Variants in MARCHF1 observed in about 807,000 individuals in gnomAD.
MARCHF1 encodes the protein membrane associated ring-CH-type finger 1.
A neutral mutation model predicts 54.2 loss-of-function variants in MARCHF1; 40 were observed. The ratio of observed to expected loss-of-function variants is 0.74; its 90% CI spans 0.57 to 0.96. The LOEUF (loss-of-function observed/expected upper bound fraction) is 0.96, where lower values mean the gene tolerates loss of function less well. Among genes scored for constraint, MARCHF1 ranks in the 40% least tolerant of loss-of-function variants. The pLI, the probability that MARCHF1 is intolerant of heterozygous loss-of-function variation, is 0.00. For synonymous variants in MARCHF1, 236 were observed against 236.3 expected, an observed-to-expected ratio of 1.00 and a Z score of 0.01; for missense variants, 586 against 656.5, an observed-to-expected ratio of 0.89 and a Z score of 1.17.
intron 2 of MARCHF1, among the ~76,000 whole-genome samples, chr4:164,008,231 G>A (rs1377410598): frequency 6.6e-6 from 1 of 152,010 alleles, no homozygotes; most frequent in African/African-American, 2.4e-5. Flanking sequence ...ATAAAAAGAG[G>A]AGAATAAGTT....
chr4:163,934,157 C>T (rs1048598001), intron 3 of MARCHF1, among the ~76,000 whole-genome samples: 3 of 152,138 alleles, frequency 2.0e-5, no homozygotes, highest in Non-Finnish European at 2.9e-5. Context: ...GAGATTTGGA[C>T]CACTACCGTG....
chr4:164,073,498 G>A (rs1754912265), intron 2 of MARCHF1, among the ~76,000 whole-genome samples: 1 of 152,010 alleles, frequency 6.6e-6, no homozygotes, highest in Non-Finnish European at 1.5e-5. Context: ...GCCTGTCAGG[G>A]AGTGGGGGGC....
chr4:163,642,517 C>A (rs1218188443), intron 5 of MARCHF1, among the ~76,000 whole-genome samples: 1 of 152,140 alleles, frequency 6.6e-6, no homozygotes, highest in African/African-American at 2.4e-5. Context: ...CATTGACTTG[C>A]ATTCTAGTTG....
chr4:163,963,790 C>G (rs935797088), intron 3 of MARCHF1, among the ~76,000 whole-genome samples: 1 of 151,858 alleles, frequency 6.6e-6, no homozygotes, highest in Admixed American at 6.6e-5. Flanking sequence ...GTGAAAAACT[C>G]AAGTCATATA....
intron 1 of MARCHF1, among the ~76,000 whole-genome samples, chr4:164,382,872 A>G (rs1457028297): frequency 1.3e-5 from 2 of 152,176 alleles, no homozygotes; most frequent in Non-Finnish European, 2.9e-5. Context: ...CTATAATAGA[A>G]AACATTTTGA....
Position 163,693,478 on chromosome 4 carries a change from T to C in MARCHF1, c.162+7335A>G, listed in dbSNP as rs188665802. On this transcript the variant is annotated intron_variant, in intron 5 of 9. Coordinates refer to ENST00000514618, the MANE Select transcript of MARCHF1 (RefSeq NM_001394959.1). Reference sequence around the variant, plus strand: ...GGTTCTGCAGCAATATCAGCTGCAATACAAGCACCCTTGATGCCACAGCAA... The same window carrying C: ...GGTTCTGCAGCAATATCAGCTGCAACACAAGCACCCTTGATGCCACAGCAA... 1.0e-3 allele frequency among the ~76,000 whole-genome samples: 151 copies of C among 151,422 alleles called. 5 individuals are homozygous for C. The highest frequency in any genetic ancestry group is 5.2e-4 in the Non-Finnish European group (35 of 67,908).
intron 5 of MARCHF1, among the ~76,000 whole-genome samples, chr4:163,625,789 C>T (rs558666295): frequency 6.6e-6 from 1 of 152,182 alleles, no homozygotes; most frequent in East Asian, 1.9e-4. Context: ...TAGGAAATAC[C>T]ATAATTTTAT....
intron 3 of MARCHF1, among the ~76,000 whole-genome samples, chr4:163,908,436 G>A (rs1751118599): frequency 6.6e-6 from 1 of 152,136 alleles, no homozygotes; most frequent in Non-Finnish European, 1.5e-5. Flanking sequence ...TGGTTAAGAA[G>A]AATGCATTAG....
chr4:164,346,365 G>A (rs370412136), intron 1 of MARCHF1, among the ~76,000 whole-genome samples: 181 of 152,086 alleles, frequency 1.2e-3, no homozygotes, highest in African/African-American at 4.0e-3. Flanking sequence ...AGAAAAACTC[G>A]TATGCTTTGA....
intron 3 of MARCHF1, among the ~76,000 whole-genome samples, chr4:163,886,384 T>C (rs1015963678): frequency 1.1e-4 from 16 of 151,230 alleles, no homozygotes; most frequent in Non-Finnish European, 1.8e-4. Context: ...TAGAGGTACC[T>C]AGAGAGACGG....
At chr4:164,314,472 T>C (rs1734946663) in intron 1 of MARCHF1, among the ~76,000 whole-genome samples, 1 of 152,176 alleles carries the variant, frequency 6.6e-6, no homozygotes, top group Non-Finnish European at 1.5e-5. Flanking sequence ...CTCTTAATAA[T>C]TCCTCCTGTT....
intron 7 of MARCHF1, among the ~76,000 whole-genome samples, chr4:163,592,679 C>T (rs185715018): frequency 6.6e-6 from 1 of 152,192 alleles, no homozygotes. Context: ...ATTGGAATTG[C>T]TTCTCTTGGG....
chr4:163,910,835 T>G (rs970022710), intron 3 of MARCHF1, among the ~76,000 whole-genome samples: 3 of 152,264 alleles, frequency 2.0e-5, no homozygotes, highest in South Asian at 2.1e-4. Flanking sequence ...GAAAAGTCTC[T>G]CCTACAAAAG....
At chr4:163,760,678 A>G (rs1746803102) in intron 4 of MARCHF1, among the ~76,000 whole-genome samples, 1 of 152,180 alleles carries the variant, frequency 6.6e-6, no homozygotes, top group African/African-American at 2.4e-5. Flanking sequence ...ACAATGTACA[A>G]TTGAGTACAT....
intron 2 of MARCHF1, among the ~76,000 whole-genome samples, chr4:163,999,807 A>G (rs1753151433): frequency 6.6e-6 from 1 of 151,662 alleles, no homozygotes; most frequent in South Asian, 2.1e-4. Context: ...CCCCAACACA[A>G]TCTTCCTAGG....
chr4:164,184,315 A>T (rs1351606988), intron 1 of MARCHF1, among the ~76,000 whole-genome samples: 1 of 152,190 alleles, frequency 6.6e-6, no homozygotes, highest in Non-Finnish European at 1.5e-5. Context: ...AACTGAGAAA[A>T]CAGTATCTCC....
chr4:163,800,350 A>C (rs1449387880), intron 4 of MARCHF1, among the ~76,000 whole-genome samples: 1 of 151,954 alleles, frequency 6.6e-6, no homozygotes, highest in Non-Finnish European at 1.5e-5. Flanking sequence ...TATTATTATT[A>C]ATTATAACGA....
chr4:163,882,596 A>G (rs563499350), intron 3 of MARCHF1, among the ~76,000 whole-genome samples: 30 of 152,162 alleles, frequency 2.0e-4, no homozygotes, highest in Admixed American at 5.9e-4. Context: ...GTTGAAGAGC[A>G]CTGTTGGCTC....
chr4:163,550,831 A>G (rs1739086163), intron 8 of MARCHF1, among the ~76,000 whole-genome samples: 1 of 152,254 alleles, frequency 6.6e-6, no homozygotes, highest in Non-Finnish European at 1.5e-5. Flanking sequence ...AGTGTTCCCC[A>G]GTAGCAGATG....
Sources: gnomAD v4.1 joint callset for allele counts (sites outside exome capture counted in the v4.1 genomes callset) on GRCh38, gnomAD v4.1.1 for gene constraint, MANE v1.5 for transcripts, NCBI Gene and HGNC (gene_info 2026-07-23, HGNC 2026-07-21) for gene names.